The following EPHA6 variants were observed in gnomAD, a reference collection of about 807,000 sequenced individuals.
The protein encoded by EPHA6 is EPH receptor A6, also known as ephrin type-A receptor 6.
In EPHA6, 50 loss-of-function variants were observed where a neutral mutation model predicts 112.0. That is an observed-to-expected ratio of 0.45 (90% CI 0.36 to 0.56). EPHA6 has a LOEUF of 0.56. EPHA6 is among the 20% of genes least tolerant of loss of function. The probability of loss-of-function intolerance (pLI) is 0.00; values close to 1 mark genes in which losing one functional copy is unlikely to be tolerated. For missense variants in EPHA6, 1,280 were observed against 1,417.4 expected (o/e 0.90, Z 1.56); for synonymous variants, 529 against 490.7 (o/e 1.08, Z -1.03).
intron 6 of EPHA6, among the ~76,000 whole-genome samples, chr3:97,429,016 G>A (rs773984462): frequency 9.2e-5 from 14 of 152,062 alleles, no homozygotes; most frequent in Admixed American, 3.9e-4. Context: ...TTGGACAGGT[G>A]TTTCTTTTCA....
intron 4 of EPHA6, among the ~76,000 whole-genome samples, chr3:97,237,478 C>T (rs1354024245): frequency 6.6e-6 from 1 of 151,916 alleles, no homozygotes; most frequent in African/African-American, 2.4e-5. Flanking sequence ...GGCCATTCTG[C>T]TGATGTTGGA....
intron 5 of EPHA6, among the ~76,000 whole-genome samples, chr3:97,357,565 A>T (rs1211159665): frequency 6.6e-6 from 1 of 152,168 alleles, no homozygotes; most frequent in Non-Finnish European, 1.5e-5. Flanking sequence ...GGAGAATTGA[A>T]TCTATTTACA....
chr3:97,166,704 A>G (rs1430096028), intron 3 of EPHA6, among the ~76,000 whole-genome samples: 3 of 152,132 alleles, frequency 2.0e-5, no homozygotes, highest in East Asian at 1.9e-4. Flanking sequence ...GCAGTGACAA[A>G]TGCACCCTAA....
intron 5 of EPHA6, among the ~76,000 whole-genome samples, chr3:97,358,241 G>A (rs1173626420): frequency 1.3e-5 from 2 of 150,398 alleles, no homozygotes; most frequent in Non-Finnish European, 3.0e-5. Flanking sequence ...CGTGTTTTTG[G>A]TAACTATTTT....
intron 12 of EPHA6, among the ~76,000 whole-genome samples, chr3:97,600,377 C>T (rs1472741951): frequency 1.3e-5 from 2 of 150,384 alleles, no homozygotes; most frequent in Admixed American, 6.6e-5. Flanking sequence ...AGTTTTTGCC[C>T]ATTCAGTATG....
intron 14 of EPHA6, among the ~76,000 whole-genome samples, chr3:97,661,952 T>TG (rs150627352): frequency 0.014 from 2,150 of 152,266 alleles, 43 homozygotes; most frequent in African/African-American, 0.047. Flanking sequence ...AGTGCTTCAC[T>TG]GTCTTGGTGA....
chr3:97,250,806 A>C (rs563167251), intron 5 of EPHA6, among the ~76,000 whole-genome samples: 7 of 152,160 alleles, frequency 4.6e-5, no homozygotes, highest in African/African-American at 1.4e-4. Flanking sequence ...TGGATAACTG[A>C]TTCATTATGT....
intron 14 of EPHA6, among the ~76,000 whole-genome samples, chr3:97,704,271 T>C (rs190372857): frequency 6.6e-6 from 1 of 152,248 alleles, no homozygotes; most frequent in East Asian, 1.9e-4. Context: ...AGCATTTGAA[T>C]CAGCAGACAG....
chr3:96,867,420 G>C (rs2036380417), intron 2 of EPHA6, among the ~76,000 whole-genome samples: 1 of 151,692 alleles, frequency 6.6e-6, no homozygotes, highest in Non-Finnish European at 1.5e-5. Context: ...TGTGTAATTT[G>C]CAAAATATAG....
At chr3:96,928,325 TG>T (rs2040145768) in intron 2 of EPHA6, among the ~76,000 whole-genome samples, 1 of 152,204 alleles carries the variant, frequency 6.6e-6, no homozygotes, top group Non-Finnish European at 1.5e-5. Flanking sequence ...GTATATTAGC[TG>T]TTTGTTATCA....
chr3:96,929,707 G>A (rs1303556665), intron 2 of EPHA6, among the ~76,000 whole-genome samples: 1 of 152,096 alleles, frequency 6.6e-6, no homozygotes, highest in Non-Finnish European at 1.5e-5. Flanking sequence ...ATGTGTTGGG[G>A]TCGATCTTCT....
At chr3:97,686,075 A>G (rs1156866691) in intron 14 of EPHA6, among the ~76,000 whole-genome samples, 2 of 152,126 alleles carry the variant, frequency 1.3e-5, no homozygotes, top group African/African-American at 4.8e-5. Flanking sequence ...TATAGCTTAA[A>G]CTCTCATTCA....
Position 96,962,473 on chromosome 3 carries a change from CA to C in EPHA6, c.451-24856del, listed in dbSNP as rs1254135150. ...TGATCTTCATCCTGTTTCCAGTTCTCACTGGGAATTGCTCCCAGTTCTAATA... is the reference window on the plus strand; with the variant it reads ...TGATCTTCATCCTGTTTCCAGTTCTCCTGGGAATTGCTCCCAGTTCTAATA... On this transcript the variant is annotated intron_variant, in intron 2 of 17. Transcript: ENST00000389672. Among the ~76,000 whole-genome samples the C allele has an allele frequency of 2.0e-5, 3 of 149,038 alleles. No homozygotes were observed. In the South Asian group the frequency reaches 6.6e-4, roughly 33 times the overall value.
chr3:97,118,840 G>A (rs749868977), intron 3 of EPHA6, among the ~76,000 whole-genome samples: 31 of 151,928 alleles, frequency 2.0e-4, no homozygotes, highest in Non-Finnish European at 3.7e-4. Context: ...AAATACTCTC[G>A]TAGTTTAACA....
intron 7 of EPHA6, among the ~76,000 whole-genome samples, chr3:97,452,377 T>G (rs759455137): frequency 6.6e-6 from 1 of 151,894 alleles, no homozygotes; most frequent in Non-Finnish European, 1.5e-5. Flanking sequence ...GATTGATAGA[T>G]GGATCAAATT....
intron 3 of EPHA6, among the ~76,000 whole-genome samples, chr3:97,189,061 A>G (rs1433638621): frequency 6.6e-6 from 1 of 152,032 alleles, no homozygotes; most frequent in African/African-American, 2.4e-5. Context: ...GGTGATAGTT[A>G]TCTGCCACCA....
chr3:97,735,539 AT>A (rs2035216314), intron 15 of EPHA6, among the ~76,000 whole-genome samples: 1 of 151,990 alleles, frequency 6.6e-6, no homozygotes, highest in South Asian at 2.1e-4. Context: ...TTTTCTTAAA[AT>A]TTTTACTTAA....
Position 97,240,432 on chromosome 3 carries a change from A to G in EPHA6, c.1271-3520A>G, listed in dbSNP as rs1463767011. Reference sequence around the variant, plus strand: ...TTAAGAACTGATTAAATATAGCTTAATATGCAATTGTCTTTCATGACTTGG... The same window carrying G: ...TTAAGAACTGATTAAATATAGCTTAGTATGCAATTGTCTTTCATGACTTGG... On this transcript the variant is annotated intron_variant, in intron 4 of 17. Coordinates refer to ENST00000389672, the MANE Select transcript of EPHA6 (RefSeq NM_001080448.3). Among the ~76,000 whole-genome samples the G allele has an allele frequency of 3.3e-5, 5 of 152,024 alleles. No homozygotes were observed. In the East Asian group the frequency reaches 9.7e-4, roughly 29 times the overall value.
At chr3:96,827,035 A>G (rs901984491) in intron 1 of EPHA6, among the ~76,000 whole-genome samples, 5 of 152,102 alleles carry the variant, frequency 3.3e-5, no homozygotes, top group Admixed American at 6.6e-5. Context: ...TATGAAGAAG[A>G]GTGTTTGACA....
Sources: gnomAD v4.1 joint callset for allele counts (sites outside exome capture counted in the v4.1 genomes callset) on GRCh38, gnomAD v4.1.1 for gene constraint, MANE v1.5 for transcripts, NCBI Gene and HGNC (gene_info 2026-07-23, HGNC 2026-07-21) for gene names.